The following ZFPM2 variants were observed in gnomAD, a reference collection of about 807,000 sequenced individuals.
The protein encoded by ZFPM2 is zinc finger protein ZFPM2.
In ZFPM2, 20 loss-of-function variants were observed where a neutral mutation model predicts 98.6. The ratio of observed to expected loss-of-function variants is 0.20; its 90% confidence interval spans 0.14 to 0.29. The LOEUF is 0.29. Ranked by LOEUF, ZFPM2 falls within the 10% of genes least tolerant of loss-of-function variation. ZFPM2 has a pLI of 1.00. For synonymous variants in ZFPM2, 518 were observed against 502.7 expected, an observed-to-expected ratio of 1.03 and a Z score of -0.41; for missense variants, 1,310 against 1,388.6, an observed-to-expected ratio of 0.94 and a Z score of 0.90.
At chr8:105,786,453 C>T (rs1172475274) in intron 5 of ZFPM2, among the ~76,000 whole-genome samples, 1 of 152,132 alleles carries the variant, frequency 6.6e-6, no homozygotes, top group African/African-American at 2.4e-5. Context: ...AGCCAATTAA[C>T]GAATGATTTG....
chr8:105,625,907 C>T (rs1816643917), intron 4 of ZFPM2, among the ~76,000 whole-genome samples: 1 of 150,912 alleles, frequency 6.6e-6, no homozygotes, highest in South Asian at 2.1e-4. Flanking sequence ...AATGTTGACC[C>T]TACAGGATCA....
At chr8:105,414,088 A>G (rs1750414856) in intron 1 of ZFPM2, among the ~76,000 whole-genome samples, 1 of 152,020 alleles carries the variant, frequency 6.6e-6, no homozygotes, top group African/African-American at 2.4e-5. Flanking sequence ...TGCAGCTTCT[A>G]GAATGCTTAG....
At chr8:105,792,204 CCTG>C (rs1469798730) in intron 6 of ZFPM2, among the ~76,000 whole-genome samples, 12 of 152,138 alleles carry the variant, frequency 7.9e-5, no homozygotes, top group African/African-American at 2.9e-4. Context: ...TTGGATCTTT[CCTG>C]CTTTCTCTTG....
rs1814052232 is a variant in ZFPM2, at chr8:105,521,222, A to G, written c.302-40141A>G. Among the ~76,000 whole-genome samples the G allele has an allele frequency of 2.0e-5, 3 of 152,034 alleles. No individual in the cohort carries two copies. In the South Asian group the frequency reaches 6.2e-4, roughly 32 times the overall value. On this transcript the variant is annotated intron_variant, in intron 3 of 7. Coordinates refer to ENST00000407775, the MANE Select transcript of ZFPM2 (RefSeq NM_012082.4). ...CACACACGGTGATCCAGAAAACAGG[A>G]AAGAGGGCCATCAGTAAATCTAGAA...
intron 1 of ZFPM2, among the ~76,000 whole-genome samples, chr8:105,390,046 T>TATTTAACTA (rs1310446679): frequency 6.6e-6 from 1 of 152,202 alleles, no homozygotes; most frequent in Admixed American, 6.5e-5. Flanking sequence ...TTTAAATTTG[T>TATTTAACTA]ATTTAACTAG....
chr8:105,790,172 C>G (rs1813559015), intron 6 of ZFPM2, among the ~76,000 whole-genome samples: 1 of 151,294 alleles, frequency 6.6e-6, no homozygotes, highest in South Asian at 2.1e-4. Context: ...TGCCTATGTC[C>G]TGAATGGTAA....
intron 5 of ZFPM2, among the ~76,000 whole-genome samples, chr8:105,653,854 C>CTTGTTTGTTTTTTTTTTTTTTTTT (rs1817230500): frequency 2.8e-5 from 1 of 35,260 alleles, no homozygotes; most frequent in Non-Finnish European, 4.9e-5. Context: ...TGTGTGCTAT[C>CTTGTTTGTTTTTTTTTTTTTTTTT]TTTTTTTTTT....
intron 5 of ZFPM2, among the ~76,000 whole-genome samples, chr8:105,684,683 G>GT (rs1481613390): frequency 2.0e-5 from 3 of 152,072 alleles, no homozygotes. Flanking sequence ...GATTTTTACA[G>GT]TTAGAGGAGT....
chr8:105,575,100 G>A (rs1815436042), intron 4 of ZFPM2, among the ~76,000 whole-genome samples: 1 of 152,140 alleles, frequency 6.6e-6, no homozygotes. Flanking sequence ...AAAGGAGGCA[G>A]ACATGTGCAC....
chr8:105,481,914 A>G (rs1047269441), intron 3 of ZFPM2, among the ~76,000 whole-genome samples: 3 of 152,206 alleles, frequency 2.0e-5, no homozygotes, highest in African/African-American at 7.2e-5. Flanking sequence ...CACAAATAAT[A>G]AGAAAAATCC....
chr8:105,746,777 T>C (rs2131044051), intron 5 of ZFPM2, among the ~76,000 whole-genome samples: 1 of 151,732 alleles, frequency 6.6e-6, no homozygotes, highest in African/African-American at 2.4e-5. Context: ...CCTCTGTTTC[T>C]CTTGTTAAGG....
chr8:105,602,773 T>C (rs1816119611), intron 4 of ZFPM2, among the ~76,000 whole-genome samples: 1 of 152,090 alleles, frequency 6.6e-6, no homozygotes, highest in South Asian at 2.1e-4. Context: ...TTTTATGTAA[T>C]ATAATTTAGG....
At chr8:105,343,637 G>C (rs2129674980) in intron 1 of ZFPM2, among the ~76,000 whole-genome samples, 1 of 152,190 alleles carries the variant, frequency 6.6e-6, no homozygotes. Flanking sequence ...AAATGGCCCA[G>C]CCTTCTTTGA....
chr8:105,641,004 G>A (rs545224968), intron 5 of ZFPM2, among the ~76,000 whole-genome samples: 16 of 152,074 alleles, frequency 1.1e-4, no homozygotes, highest in Non-Finnish European at 1.9e-4. Context: ...ATCATAAGGC[G>A]ATTAAGTTAG....
In ZFPM2 at chr8:105,598,832, A is replaced by T. The variant is rs1193842483; in HGVS notation, c.421-35414A>T. 7.1e-4 allele frequency among the ~76,000 whole-genome samples: 108 copies of T among 152,152 alleles called. 1 individual carries two copies. In the East Asian group the frequency reaches 0.02, roughly 28 times the overall value. The stretch of plus-strand genomic sequence containing the variant: ...TTCTTACTTCTAGCAACCAATTACT[A>T]CATACAAAAAAAACTTTCCCCAATT... On this transcript the variant is annotated intron_variant, in intron 4 of 7. Coordinates refer to ENST00000407775, the MANE Select transcript of ZFPM2 (RefSeq NM_012082.4).
intron 1 of ZFPM2, among the ~76,000 whole-genome samples, chr8:105,365,548 A>G (rs1586319380): frequency 6.6e-6 from 1 of 152,220 alleles, no homozygotes; most frequent in East Asian, 1.9e-4. Context: ...GCGGTTAAAA[A>G]GAATTCTCTG....
chr8:105,680,939 A>C (rs1437026810), intron 5 of ZFPM2, among the ~76,000 whole-genome samples: 1 of 152,186 alleles, frequency 6.6e-6, no homozygotes, highest in African/African-American at 2.4e-5. Context: ...AACAATATAA[A>C]GTAATTACCA....
chr8:105,530,107 T>A (rs1259825015), intron 3 of ZFPM2, among the ~76,000 whole-genome samples: 1 of 152,164 alleles, frequency 6.6e-6, no homozygotes, highest in African/African-American at 2.4e-5. Context: ...AAAATCGGGC[T>A]GGCTTGCTAA....
At chr8:105,566,736 C>T (rs1324039374) in intron 4 of ZFPM2, among the ~76,000 whole-genome samples, 2 of 152,120 alleles carry the variant, frequency 1.3e-5, no homozygotes, top group Non-Finnish European at 2.9e-5. Context: ...CTGCTGGAAT[C>T]ATACAACATA....
Sources: gnomAD v4.1 joint callset for allele counts (sites outside exome capture counted in the v4.1 genomes callset) on GRCh38, gnomAD v4.1.1 for gene constraint, MANE v1.5 for transcripts, NCBI Gene and HGNC (gene_info 2026-07-23, HGNC 2026-07-21) for gene names.